JAKMIP2: variants seen among roughly 807,000 people sequenced by gnomAD.
JAKMIP2 encodes janus kinase and microtubule interacting protein 2, also known as janus kinase and microtubule-interacting protein 2.
In JAKMIP2, 25 loss-of-function variants were observed where a neutral mutation model predicts 115.0. The ratio of observed to expected loss-of-function variants is 0.22; its 90% CI spans 0.16 to 0.30. The LOEUF (loss-of-function observed/expected upper bound fraction) is 0.30, where lower values mean the gene tolerates loss of function less well. Among genes scored for constraint, JAKMIP2 ranks in the 10% least tolerant of loss-of-function variants. JAKMIP2 has a pLI of 1.00. For synonymous variants in JAKMIP2, 334 were observed against 343.6 expected (o/e 0.97, Z 0.31); for missense variants, 642 against 957.6 (o/e 0.67, Z 4.35).
At position 147,641,758 on chromosome 5, in the gene JAKMIP2, C is replaced by T; in HGVS notation, c.1231G>A (p.Glu411Lys). The T allele has an allele frequency of 6.2e-7, 1 of 1,612,966 alleles. No individual in the cohort carries two copies. Among genetic ancestry groups the T allele is most frequent in the Non-Finnish European group, 8.5e-7 (1 of 1,179,148 alleles). ...NIIDELTRDR[E>K]KLIRRRKHRR... is the part of the protein sequence containing the mutation. ...TGCTTTCTTCTACGGATGAGCTTTT[C>T]TCGGTCCTGGAAAACAGATGAAAGA... Residue 411 changes from glutamate (E) to lysine (K), a missense_variant, in exon 8 of 22, where the codon GAA (glutamate) becomes AAA (lysine). Physicochemically the swap from Glu to Lys is moderately conservative, Grantham distance 56. Coordinates refer to ENST00000616793, the MANE Select transcript of JAKMIP2 (RefSeq NM_001270941.2).
At chr5:147,646,512 A>G (rs760005702) in intron 5 of JAKMIP2, among the ~76,000 whole-genome samples, 29 of 152,134 alleles carry the variant, frequency 1.9e-4, no homozygotes, top group Non-Finnish European at 2.9e-4. Context: ...ATTCTATCAC[A>G]TCATACATCA....
intron 12 of JAKMIP2, among the ~76,000 whole-genome samples, chr5:147,633,540 A>G (rs1479052473): frequency 6.6e-6 from 1 of 152,158 alleles, no homozygotes; most frequent in African/African-American, 2.4e-5. Context: ...AGCCTTCCCT[A>G]GTCAATCCAT....
intron 1 of JAKMIP2, among the ~76,000 whole-genome samples, chr5:147,694,431 G>A (rs1012476467): frequency 2.0e-5 from 3 of 152,028 alleles, no homozygotes; most frequent in Non-Finnish European, 4.4e-5. Flanking sequence ...CATTACCCCG[G>A]GTCAGGACTT....
At chr5:147,683,010 T>C (rs1252957073) in intron 1 of JAKMIP2, among the ~76,000 whole-genome samples, 1 of 152,202 alleles carries the variant, frequency 6.6e-6, no homozygotes, top group East Asian at 1.9e-4. Flanking sequence ...TTATTGTATT[T>C]TTTCTCTGGA....
At chr5:147,757,922 G>C (rs1468617627) in intron 1 of JAKMIP2, among the ~76,000 whole-genome samples, 1 of 151,958 alleles carries the variant, frequency 6.6e-6, no homozygotes, top group Non-Finnish European at 1.5e-5. Context: ...TGTCTCTTCG[G>C]AATGTGTCAA....
At chr5:147,743,929 G>A (rs758341991) in intron 1 of JAKMIP2, among the ~76,000 whole-genome samples, 17 of 151,902 alleles carry the variant, frequency 1.1e-4, no homozygotes, top group Non-Finnish European at 2.4e-4. Context: ...GCAGCACTCA[G>A]CTAGCTAGCC....
intron 1 of JAKMIP2, among the ~76,000 whole-genome samples, chr5:147,696,582 G>C (rs1414483642): frequency 6.6e-6 from 1 of 152,072 alleles, no homozygotes; most frequent in Non-Finnish European, 1.5e-5. Context: ...ACAGTAAATT[G>C]GTACTGCAGA....
In JAKMIP2 at chr5:147,693,356, A is replaced by C. The variant is rs180671816; in HGVS notation, c.-148-21402T>G. ...AAATACATACCAAAGTAATAAGCAC[A>C]TTGTAAACCTCCATACATTTTCACC... On this transcript the variant is annotated intron_variant, in intron 1 of 21. Coordinates refer to ENST00000616793, the MANE Select transcript of JAKMIP2 (RefSeq NM_001270941.2). Among the ~76,000 whole-genome samples the C allele has an allele frequency of 5.1e-3, 771 of 152,340 alleles. 10 individuals carry two copies. The highest frequency in any genetic ancestry group is 7.5e-3 in the Non-Finnish European group (507 of 68,034).
intron 2 of JAKMIP2, among the ~76,000 whole-genome samples, chr5:147,670,701 T>A (rs1182023777): frequency 6.6e-6 from 1 of 152,220 alleles, no homozygotes; most frequent in African/African-American, 2.4e-5. Flanking sequence ...TGTTCAATCC[T>A]CATAAGCACA....
chr5:147,706,744 T>A (rs1752574695), intron 1 of JAKMIP2, among the ~76,000 whole-genome samples: 1 of 152,106 alleles, frequency 6.6e-6, no homozygotes, highest in Non-Finnish European at 1.5e-5. Context: ...GATTTCGGAT[T>A]TTTTGGATTA....
chr5:147,702,642 AAGAAAGAAAGAAAGAAAGAAAGAG>A (rs1561547550), intron 1 of JAKMIP2, among the ~76,000 whole-genome samples: 39 of 134,358 alleles, frequency 2.9e-4, no homozygotes, highest in African/African-American at 1.1e-3. Context: ...GAAAGAAAGA[AAGAAAGAAAGAAAGAAAGAAAGAG>A]AGAGAAAGAA....
chr5:147,770,364 C>T (rs1305021762), intron 1 of JAKMIP2, among the ~76,000 whole-genome samples: 2 of 152,010 alleles, frequency 1.3e-5, no homozygotes, highest in Admixed American at 6.6e-5. Context: ...CATAGACAAA[C>T]ACAATTTCTG....
At chr5:147,601,380 C>G (rs1037497995) in intron 21 of JAKMIP2, among the ~76,000 whole-genome samples, 5 of 152,176 alleles carry the variant, frequency 3.3e-5, no homozygotes, top group Middle Eastern at 3.4e-3. Context: ...TGCTTGAGCT[C>G]TGAAGTTCAA....
At chr5:147,663,638 T>G (rs182118879) in intron 2 of JAKMIP2, among the ~76,000 whole-genome samples, 117 of 152,366 alleles carry the variant, frequency 7.7e-4, no homozygotes, top group African/African-American at 2.7e-3. Context: ...TCTGAGATTT[T>G]ACTCACCTTA....
At chr5:147,604,009 C>G (rs973773193) in intron 20 of JAKMIP2, among the ~76,000 whole-genome samples, 2 of 152,020 alleles carry the variant, frequency 1.3e-5, no homozygotes, top group Non-Finnish European at 1.5e-5. Flanking sequence ...TGACTTCTTC[C>G]TTGAGCCAGC....
chr5:147,704,430 T>C (rs1010599546), intron 1 of JAKMIP2, among the ~76,000 whole-genome samples: 10 of 152,134 alleles, frequency 6.6e-5, no homozygotes, highest in African/African-American at 2.4e-4. Flanking sequence ...ATGTGGTCCA[T>C]CTTTGACAGA....
At chr5:147,679,658 T>C (rs1044006679) in intron 1 of JAKMIP2, among the ~76,000 whole-genome samples, 1 of 152,226 alleles carries the variant, frequency 6.6e-6, no homozygotes, top group African/African-American at 2.4e-5. Context: ...ACTATTCCAA[T>C]TAAACTTTGC....
At chr5:147,742,484 C>T (rs1036376448) in intron 1 of JAKMIP2, among the ~76,000 whole-genome samples, 5 of 151,956 alleles carry the variant, frequency 3.3e-5, no homozygotes, top group Admixed American at 6.6e-5. Flanking sequence ...AAACAACTAA[C>T]GAAGTCTAGC....
At chr5:147,592,344 C>A (rs926620146) in intron 21 of JAKMIP2, among the ~76,000 whole-genome samples, 3 of 152,184 alleles carry the variant, frequency 2.0e-5, no homozygotes, top group Non-Finnish European at 4.4e-5. Flanking sequence ...CAAATTGTCT[C>A]CACCTAAAGT....
Sources: allele counts gnomAD v4.1 joint callset (sites outside exome capture counted in the v4.1 genomes callset), GRCh38; gene constraint gnomAD v4.1.1; transcripts MANE v1.5; gene names NCBI Gene and HGNC (gene_info 2026-07-23, HGNC 2026-07-21).